Variants in CACNA2D2 observed in about 807,000 individuals in gnomAD.
CACNA2D2 encodes the protein voltage-dependent calcium channel subunit alpha-2/delta-2.
In CACNA2D2, 48 loss-of-function variants were observed where a neutral mutation model predicts 166.4. The observed-to-expected ratio is 0.29, with a 90% CI of 0.23 to 0.37. The LOEUF (loss-of-function observed/expected upper bound fraction) is 0.37, where lower values mean the gene tolerates loss of function less well. Ranked by LOEUF, CACNA2D2 falls within the 10% of genes least tolerant of loss-of-function variation. The pLI is 1.00. For synonymous variants in CACNA2D2, 561 were observed against 573.7 expected (o/e 0.98, Z 0.32); for missense variants, 1,122 against 1,433.0 (o/e 0.78, Z 3.50).
Position 50,376,766 on chromosome 3 carries a change from G to A in CACNA2D2, c.1627-578C>T, listed in dbSNP as rs1443360574. On this transcript the variant is annotated intron_variant, in intron 17 of 37. Coordinates refer to ENST00000424201, the MANE Select transcript of CACNA2D2 (RefSeq NM_006030.4). The surrounding 1 kb of genome is among the most constrained non-coding windows in gnomAD (Gnocchi z 4.3). ...CTCAGGGCCAAGCAGAGGCTTCAGGGGGGCTCAGGCTTAATGATGCTGTTG... is the reference window on the plus strand; with the variant it reads ...CTCAGGGCCAAGCAGAGGCTTCAGGAGGGCTCAGGCTTAATGATGCTGTTG... Among the ~76,000 whole-genome samples the A allele has an allele frequency of 6.6e-6, 1 of 152,180 alleles. No homozygotes were observed. Among genetic ancestry groups the A allele is most frequent in the African/African-American group, 2.4e-5 (1 of 41,448 alleles).
At position 50,379,315 on chromosome 3, in the gene CACNA2D2, T is replaced by C. The variant is rs957614604; in HGVS notation, c.1153-116A>G. On this transcript the variant is annotated intron_variant, in intron 11 of 37. Coordinates refer to ENST00000424201, the MANE Select transcript of CACNA2D2 (RefSeq NM_006030.4). The surrounding 1 kb of genome is among the most constrained non-coding windows in gnomAD (Gnocchi z 6.5). ...CCTCCTCCCCCACAGCAGATGGAGC[T>C]ATCTGTCCAAGCTGCCTGTTTGGTG... is the stretch of plus-strand genomic sequence containing the variant. 5 of 1,448,880 alleles carry C rather than the reference T, an allele frequency of 3.5e-6. No homozygotes were observed. The African/African-American group carries it at 4.2e-5, about 12-fold the overall frequency. The allele number at this position is 1,448,880 out of a possible 1,614,324, so 89.8% of individuals were successfully genotyped here.
Position 50,437,169 on chromosome 3 carries a change from TTTC to T in CACNA2D2, c.289-2743_289-2741del, listed in dbSNP as rs779220924. 2.6e-5 allele frequency among the ~76,000 whole-genome samples: 4 copies of T among 152,102 alleles called. No individual in the cohort carries two copies. The East Asian group carries it at 7.7e-4, about 29-fold the overall frequency. On this transcript the variant is annotated intron_variant, in intron 2 of 37. Coordinates refer to ENST00000424201, the MANE Select transcript of CACNA2D2 (RefSeq NM_006030.4). ...GGGCCCAGGGATGCATCCACCGTGT[TTTC>T]TTCCTGTTCTATTTCTACTCGAGGA...
rs776303708 is a variant in CACNA2D2 at position 50,434,343 on chromosome 3, G to T, written c.375C>A (p.Ser125Arg). The T allele has an allele frequency of 1.9e-6, 3 of 1,613,908 alleles. No homozygotes were observed. The South Asian group carries it at 3.3e-5, about 18-fold the overall frequency. ...LVEKVAGDIESLLDRKVQALK... is the reference protein window; with the variant it reads ...LVEKVAGDIERLLDRKVQALK... ...GGGCCTGCACCTTCCTGTCCAGAAG[G>T]CTCTCAATGTCCCCTGCCACCTTCT... Residue 125 changes from serine to arginine, a missense_variant, in exon 3 of 38, where the codon AGC becomes AGA. Ser to Arg is a moderately radical substitution (Grantham distance 110). Coordinates refer to ENST00000424201, the MANE Select transcript of CACNA2D2 (RefSeq NM_006030.4).
At chr3:50,472,396 C>T (rs2107070982) in intron 2 of CACNA2D2, among the ~76,000 whole-genome samples, 1 of 152,278 alleles carries the variant, frequency 6.6e-6, no homozygotes, top group South Asian at 2.1e-4. Context: ...TGAGCCTTCC[C>T]AGAGGGTAGC....
chr3:50,402,477 C>A (rs1389605061), intron 3 of CACNA2D2, among the ~76,000 whole-genome samples: 1 of 152,200 alleles, frequency 6.6e-6, no homozygotes, highest in African/African-American at 2.4e-5. Context: ...TGAGCACTTG[C>A]AAGAGATGCC....
intron 2 of CACNA2D2, among the ~76,000 whole-genome samples, chr3:50,454,840 G>A (rs1559965304): frequency 6.6e-6 from 1 of 152,164 alleles, no homozygotes; most frequent in Non-Finnish European, 1.5e-5. Context: ...CCTATGGAGA[G>A]GCAGAGAAGG....
Position 50,365,461 on chromosome 3 carries a change from C to G in CACNA2D2, c.2993G>C (p.Ser998Thr). The change falls in exon 35 of 38, where the codon AGC becomes ACC. Residue 998 changes from serine (S) to threonine (T), a missense_variant. This residue lies in a region of CACNA2D2 where 282 missense variants were observed against 266.2 expected (regional missense o/e 1.06). Transcript: ENST00000424201. The surrounding 1 kb of genome is among the most constrained non-coding windows in gnomAD (Gnocchi z 4.5). The part of the protein sequence containing the change: ...FQADPAEAEG[S>T]PETRESSCVM... ...GCAGCTGCTCTCGCGCGTCTCGGGGCTCCCCTCGGCCTCCGCGGGGTCTGC... is the reference window on the plus strand; with the variant it reads ...GCAGCTGCTCTCGCGCGTCTCGGGGGTCCCCTCGGCCTCCGCGGGGTCTGC... 1 of 1,613,508 alleles carries G rather than the reference C, an allele frequency of 6.2e-7. No individual in the cohort carries two copies. Among genetic ancestry groups the G allele is most frequent in the Non-Finnish European group, 8.5e-7 (1 of 1,179,896 alleles).
At chr3:50,370,229 GACAC>G (rs1704579860) in intron 23 of CACNA2D2, 87 bp downstream of exon 23, 1 of 878,948 alleles carries the variant, frequency 1.1e-6, no homozygotes, top group Admixed American at 2.0e-5. Flanking sequence ...ACAGGACACA[GACAC>G]ACAGAGCTCC....
At chr3:50,368,799 C>T (rs746967235) in intron 23 of CACNA2D2, among the ~76,000 whole-genome samples, 24 of 152,216 alleles carry the variant, frequency 1.6e-4, no homozygotes, top group African/African-American at 5.8e-4. Flanking sequence ...CTGGAATGCT[C>T]CTCCCCTCAA....
Position 50,379,282 on chromosome 3 carries a change from C to A in CACNA2D2, c.1153-83G>T, listed in dbSNP as rs1705172012. ...GCCTCCCTCCCGCAGTGGGCCTGGA[C>A]CTCTGGCCCTCCTCCCCCACAGCAG... On this transcript the variant is annotated intron_variant, in intron 11 of 37. Transcript: ENST00000424201. The surrounding 1 kb of genome is among the most constrained non-coding windows in gnomAD (Gnocchi z 6.5). The A allele has an allele frequency of 2.1e-6, 3 of 1,440,396 alleles. No homozygotes were observed. The South Asian group carries it at 3.5e-5, about 17-fold the overall frequency. The allele number at this position is 1,440,396 out of a possible 1,614,324, so 89.2% of individuals were successfully genotyped here.
At position 50,435,130 on chromosome 3, in the gene CACNA2D2, TGAGG is replaced by T. The variant is rs1373188745; in HGVS notation, c.289-705_289-702del. On this transcript the variant is annotated intron_variant, in intron 2 of 37. Transcript: ENST00000424201. The stretch of plus-strand genomic sequence containing the variant: ...GCAGGTGCATGTGGCAGTGTAAATC[TGAGG>T]GTGTGTGTGTGTGTGTGTGTGAGGG... Among the ~76,000 whole-genome samples the T allele has an allele frequency of 5.3e-5, 7 of 131,620 alleles. No homozygotes were observed. The East Asian group carries it at 1.5e-3, about 28-fold the overall frequency. 86.3% of individuals were successfully genotyped at this position (131,620 alleles called of 152,430 possible).
At chr3:50,450,507 C>T (rs1709045438) in intron 2 of CACNA2D2, among the ~76,000 whole-genome samples, 1 of 152,130 alleles carries the variant, frequency 6.6e-6, no homozygotes, top group Non-Finnish European at 1.5e-5. Flanking sequence ...CGCCCTGCAC[C>T]CCCATCACCC....
intron 2 of CACNA2D2, among the ~76,000 whole-genome samples, chr3:50,441,595 C>T (rs1449912901): frequency 2.0e-5 from 3 of 152,248 alleles, no homozygotes; most frequent in Non-Finnish European, 4.4e-5. Flanking sequence ...CTAAATGTGC[C>T]CCCAGGCAAG....
chr3:50,406,170 T>C (rs77753325), intron 3 of CACNA2D2, among the ~76,000 whole-genome samples: 3,108 of 151,856 alleles, frequency 0.02, 55 homozygotes, highest in Non-Finnish European at 0.033. Flanking sequence ...CACGAACCCA[T>C]TGGAGAAGAC....
chr3:50,450,693 C>CT (rs1709055233), intron 2 of CACNA2D2, among the ~76,000 whole-genome samples: 1 of 152,182 alleles, frequency 6.6e-6, no homozygotes, highest in Non-Finnish European at 1.5e-5. Context: ...TGTTGGAACA[C>CT]TGAGGCTGAT....
At chr3:50,374,953 G>T in intron 21 of CACNA2D2, 140 bp from the exon 22 acceptor site, 1 of 718,018 alleles carries the variant, frequency 1.4e-6, no homozygotes. Flanking sequence ...TCCCCGCTTA[G>T]CTGCAGGAGG....
intron 3 of CACNA2D2, among the ~76,000 whole-genome samples, chr3:50,397,005 C>T (rs1706193605): frequency 1.3e-5 from 2 of 152,356 alleles, no homozygotes; most frequent in South Asian, 4.1e-4. Flanking sequence ...CTACTCCTGG[C>T]TGGGGGGTTC....
intron 3 of CACNA2D2, among the ~76,000 whole-genome samples, chr3:50,408,948 G>GT (rs1706855777): frequency 6.6e-6 from 1 of 152,208 alleles, no homozygotes; most frequent in African/African-American, 2.4e-5. Flanking sequence ...TCTCTCCCCT[G>GT]GGACAAGGGT....
intron 22 of CACNA2D2, chr3:50,372,987 G>C: frequency 8.3e-7 from 1 of 1,206,524 alleles, no homozygotes; most frequent in Non-Finnish European, 1.2e-6. Flanking sequence ...CTGGTCCTGG[G>C]CAGGGAGGGG....
Sources: gnomAD v4.1 joint callset for allele counts (sites outside exome capture counted in the v4.1 genomes callset) on GRCh38, gnomAD v4.1.1 for gene constraint, gnomAD v4.1.1 regional missense constraint, Gnocchi (gnomAD v3.1) non-coding constraint, MANE v1.5 for transcripts, NCBI Gene and HGNC (gene_info 2026-07-23, HGNC 2026-07-21) for gene names.